GRHL2: variants seen among roughly 807,000 people sequenced by gnomAD.
The protein encoded by GRHL2 is grainyhead like transcription factor 2.
A neutral mutation model predicts 83.8 loss-of-function variants in GRHL2; 21 were observed. That is an observed-to-expected ratio of 0.25 (90% CI 0.18 to 0.36). The LOEUF (loss-of-function observed/expected upper bound fraction) is 0.36, where lower values mean the gene tolerates loss of function less well. Among genes scored for constraint, GRHL2 ranks in the 10% least tolerant of loss-of-function variants. The probability of loss-of-function intolerance (pLI) is 1.00; values close to 1 mark genes in which losing one functional copy is unlikely to be tolerated. For missense variants in GRHL2, 623 were observed against 781.8 expected (o/e 0.80, Z 2.42); for synonymous variants, 280 against 278.9 (o/e 1.00, Z -0.04).
At chr8:101,670,341 ATTC>A (rs931700184), downstream of GRHL2, among the ~76,000 whole-genome samples, 2 of 152,234 alleles carry the variant, frequency 1.3e-5, no homozygotes, top group Non-Finnish European at 2.9e-5. Flanking sequence ...GCATTTCTAC[ATTC>A]TTCTACATCT....
At chr8:101,632,112 T>A in intron 10 of GRHL2, 114 bp from the exon 11 acceptor site, 4 of 1,129,522 alleles carry the variant, frequency 3.5e-6, no homozygotes, top group Non-Finnish European at 5.4e-6. Context: ...TGTGTTCACA[T>A]CTATGGTATT....
At chr8:101,594,322 A>G (rs1280185230) in intron 7 of GRHL2, among the ~76,000 whole-genome samples, 1 of 152,174 alleles carries the variant, frequency 6.6e-6, no homozygotes, top group Non-Finnish European at 1.5e-5. Context: ...ACAGCAGCTC[A>G]TTACTATGCC....
chr8:101,531,607 A>G lies in GRHL2; in HGVS notation c.21-11634A>G, dbSNP rs1042024540. Among the ~76,000 whole-genome samples the G allele has an allele frequency of 5.3e-5, 8 of 152,306 alleles. No individual in the cohort carries two copies. In the East Asian group the frequency reaches 1.2e-3, roughly 22 times the overall value. ...CACACTAACCAATTTTAGTCATTTC[A>G]TAAGTTGCCATCTCTACAAATTCTC... On this transcript the variant is annotated intron_variant, in intron 1 of 15. Coordinates refer to ENST00000646743, the MANE Select transcript of GRHL2 (RefSeq NM_024915.4).
intron 9 of GRHL2, among the ~76,000 whole-genome samples, chr8:101,626,167 T>C (rs1334101308): frequency 6.6e-6 from 1 of 152,040 alleles, no homozygotes; most frequent in Non-Finnish European, 1.5e-5. Context: ...TTGAGGGCTA[T>C]TCCATTTTAA....
rs1814170549 is a variant in GRHL2, at chr8:101,669,710, A to G, written c.*3007A>G. The G allele has an allele frequency of 1.3e-5, 2 of 152,242 alleles. No homozygotes were observed. The highest frequency in any genetic ancestry group is 4.1e-4 in the South Asian group (2 of 4,824). The allele number at this position is 152,242 out of a possible 1,614,324, so 9.4% of individuals were successfully genotyped here. A position where few individuals can be genotyped will look rare whatever the true frequency, so the allele number is the denominator to read the frequency against. On this transcript the variant is annotated 3_prime_UTR_variant, in exon 16 of 16. Transcript: ENST00000646743. The stretch of plus-strand genomic sequence containing the variant: ...TTTTAAGGAGAAAAAATAAATATTC[A>G]TAACATAAGAGTAAAACAACAGTGT...
intron 14 of GRHL2, among the ~76,000 whole-genome samples, chr8:101,652,509 T>G (rs1586173436): frequency 2.9e-5 from 2 of 69,472 alleles, no homozygotes; most frequent in East Asian, 3.9e-4. Flanking sequence ...TGTGTGTGTG[T>G]GGTGTGTGTG....
chr8:101,669,144 A>G lies in GRHL2; in HGVS notation c.*2441A>G, dbSNP rs1270743174. ...CAAAATTTCCTGAGCGAAACACTCC[A>G]AAGAGATAGGAAAACTTGCCGCCTC... On this transcript the variant is annotated 3_prime_UTR_variant, in exon 16 of 16. Coordinates refer to ENST00000646743, the MANE Select transcript of GRHL2 (RefSeq NM_024915.4). 6.6e-6 allele frequency: 1 copy of G among 152,334 alleles called. No individual in the cohort carries two copies. The allele number at this position is 152,334 out of a possible 1,614,324, so 9.4% of individuals were successfully genotyped here.
intron 4 of GRHL2, among the ~76,000 whole-genome samples, chr8:101,562,782 G>T (rs1233297228): frequency 6.6e-6 from 1 of 152,158 alleles, no homozygotes; most frequent in South Asian, 2.1e-4. Context: ...CTGTTTAGGA[G>T]CACTGCCTCT....
intron 14 of GRHL2, among the ~76,000 whole-genome samples, chr8:101,657,872 A>G (rs1233674901): frequency 6.6e-6 from 1 of 152,058 alleles, no homozygotes; most frequent in Non-Finnish European, 1.5e-5. Context: ...GAAAAACACA[A>G]AGAAAAAAAC....
At chr8:101,496,622 G>C (rs1180716134) in intron 1 of GRHL2, among the ~76,000 whole-genome samples, 1 of 152,112 alleles carries the variant, frequency 6.6e-6, no homozygotes, top group Non-Finnish European at 1.5e-5. Context: ...CAACAAAAAA[G>C]TAAACATATA....
chr8:101,494,522 TC>T (rs1270976090), intron 1 of GRHL2, among the ~76,000 whole-genome samples: 5 of 152,100 alleles, frequency 3.3e-5, no homozygotes, highest in African/African-American at 4.8e-5. Context: ...TCTCTAGTCT[TC>T]AAGGAAACAC....
At chr8:101,665,448 G>A (rs1203833857) in intron 15 of GRHL2, among the ~76,000 whole-genome samples, 3 of 152,184 alleles carry the variant, frequency 2.0e-5, no homozygotes, top group Non-Finnish European at 4.4e-5. Context: ...GAGTCCTGTT[G>A]GTTGATTGGA....
chr8:101,628,999 A>G (rs1178087309), intron 9 of GRHL2, among the ~76,000 whole-genome samples: 1 of 152,220 alleles, frequency 6.6e-6, no homozygotes, highest in Non-Finnish European at 1.5e-5. Flanking sequence ...ACAAAAAAGA[A>G]TTTAGAATAT....
chr8:101,581,847 C>G (rs796280010), intron 7 of GRHL2, among the ~76,000 whole-genome samples: 1 of 152,106 alleles, frequency 6.6e-6, no homozygotes, highest in East Asian at 1.9e-4. Context: ...TGAGACTCAT[C>G]TGAAAGGATA....
intron 1 of GRHL2, among the ~76,000 whole-genome samples, chr8:101,523,630 C>A (rs1002198727): frequency 6.6e-6 from 1 of 151,864 alleles, no homozygotes; most frequent in African/African-American, 2.4e-5. Context: ...CATGCACCAC[C>A]ATGTGTGGCT....
intron 9 of GRHL2, among the ~76,000 whole-genome samples, chr8:101,630,493 T>G (rs1445232837): frequency 2.0e-5 from 3 of 152,224 alleles, no homozygotes; most frequent in Non-Finnish European, 4.4e-5. Context: ...CTTTGTCTTT[T>G]GATTGATTTG....
At chr8:101,595,504 G>A (rs879612670) in intron 7 of GRHL2, among the ~76,000 whole-genome samples, 5 of 152,064 alleles carry the variant, frequency 3.3e-5, no homozygotes, top group Non-Finnish European at 4.4e-5. Flanking sequence ...TCAAAGTTGC[G>A]AGACTATCTT....
rs200355516 is a variant in GRHL2 at position 101,664,412 on chromosome 8, G to A, written c.1699-42G>A. 1.0e-4 allele frequency: 149 copies of A among 1,474,434 alleles called. 2 individuals are homozygous for A. Among genetic ancestry groups the A allele is most frequent in the Admixed American group, 5.7e-4 (34 of 59,832 alleles). 91.3% of individuals were successfully genotyped at this position (1,474,434 alleles called of 1,614,324 possible). ...CTTTCCCCCTTGCCTCCAGTTGGGC[G>A]TCCTTCTGTGCTCATCTGCCTTCTT... On this transcript the variant is annotated intron_variant, in intron 14 of 15. Coordinates refer to ENST00000646743, the MANE Select transcript of GRHL2 (RefSeq NM_024915.4).
intron 3 of GRHL2, 26 bp from the exon 4 acceptor site, chr8:101,558,393 A>G (rs763802907): frequency 1.2e-6 from 2 of 1,613,450 alleles, no homozygotes; most frequent in African/African-American, 1.3e-5. Context: ...TAATTCTATC[A>G]TGTTGCGGGG....
Sources: gnomAD v4.1 joint callset for allele counts (sites outside exome capture counted in the v4.1 genomes callset) on GRCh38, gnomAD v4.1.1 for gene constraint, MANE v1.5 for transcripts, NCBI Gene and HGNC (gene_info 2026-07-23, HGNC 2026-07-21) for gene names.